The following PIP5K1C variants were observed in gnomAD, a reference collection of about 807,000 sequenced individuals.
PIP5K1C encodes the protein phosphatidylinositol 4-phosphate 5-kinase type-1 gamma.
In PIP5K1C, 45 loss-of-function variants were observed where a neutral mutation model predicts 80.1. The ratio of observed to expected loss-of-function variants is 0.56; its 90% CI spans 0.44 to 0.72. The LOEUF is 0.72. PIP5K1C is among the 30% of genes least tolerant of loss of function. The pLI, the probability that PIP5K1C is intolerant of heterozygous loss-of-function variation, is 0.00. For synonymous variants in PIP5K1C, 498 were observed against 420.1 expected (o/e 1.19, Z -2.27); for missense variants, 753 against 954.6 (o/e 0.79, Z 2.78).
At chr19:3,669,483 G>A (rs1054055174) in intron 1 of PIP5K1C, among the ~76,000 whole-genome samples, 27 of 152,258 alleles carry the variant, frequency 1.8e-4, no homozygotes, top group Admixed American at 1.7e-3. Context: ...CCGGCTGGGT[G>A]TGGACTCGGG....
chr19:3,638,827 T>C (rs2145381349), intron 16 of PIP5K1C, 57 bp downstream of exon 16: 1 of 1,607,366 alleles, frequency 6.2e-7, no homozygotes, highest in East Asian at 2.2e-5. Context: ...CGGTGGAGCG[T>C]GTGTGAGAGA....
intron 15 of PIP5K1C, 78 bp downstream of exon 15, chr19:3,641,627 T>A: frequency 1.9e-6 from 2 of 1,033,020 alleles, no homozygotes; most frequent in Non-Finnish European, 3.0e-6. Context: ...TGCTTCATGA[T>A]GAAACCTCGG....
intron 1 of PIP5K1C, 41 bp from the exon 2 acceptor site, chr19:3,667,394 G>A (rs781650710): frequency 5.0e-6 from 8 of 1,612,074 alleles, no homozygotes; most frequent in African/African-American, 1.3e-5. Context: ...GGAAACCGGT[G>A]ACCTCTGGGA....
intron 1 of PIP5K1C, among the ~76,000 whole-genome samples, chr19:3,683,076 C>T (rs1234978361): frequency 3.3e-5 from 5 of 152,070 alleles, no homozygotes; most frequent in Non-Finnish European, 2.9e-5. Flanking sequence ...CAACCTTGTT[C>T]AGGTCTAGAT....
At chr19:3,686,809 A>G (rs1326810079) in intron 1 of PIP5K1C, among the ~76,000 whole-genome samples, 1 of 152,194 alleles carries the variant, frequency 6.6e-6, no homozygotes, top group Non-Finnish European at 1.5e-5. Context: ...CTATAAAACT[A>G]CTTAAGAAAA....
Position 3,647,331 on chromosome 19 carries a change from C to A in PIP5K1C, c.1260+7G>T. On this transcript the variant is annotated splice_region_variant and intron_variant, in intron 10 of 17. Transcript: ENST00000335312. ...AGGAGGAATGGGAGGAGGGTGCAGG[C>A]GCTCACCCCATCGTGGACGAGGGCC... The A allele has an allele frequency of 6.4e-7, 1 of 1,570,190 alleles. No homozygotes were observed. Among genetic ancestry groups the A allele is most frequent in the Non-Finnish European group, 8.6e-7 (1 of 1,156,686 alleles).
rs532151121 is a variant in PIP5K1C, at chr19:3,671,462, G to A, written c.95-4109C>T. 2.0e-5 allele frequency among the ~76,000 whole-genome samples: 3 copies of A among 152,372 alleles called. No individual in the cohort carries two copies. The East Asian group carries it at 5.8e-4, about 29-fold the overall frequency. On this transcript the variant is annotated intron_variant, in intron 1 of 17. Coordinates refer to ENST00000335312, the MANE Select transcript of PIP5K1C (RefSeq NM_012398.3). ...ACGTCTTCACCTGCCCGACTCACCTGAGCTGGCTAACGGGGAGAGGAGAGG... is the reference window on the plus strand; with the variant it reads ...ACGTCTTCACCTGCCCGACTCACCTAAGCTGGCTAACGGGGAGAGGAGAGG...
intron 1 of PIP5K1C, among the ~76,000 whole-genome samples, chr19:3,674,945 A>G (rs2035313107): frequency 6.6e-6 from 1 of 152,230 alleles, no homozygotes; most frequent in Non-Finnish European, 1.5e-5. Flanking sequence ...CGCAGGCCAC[A>G]GCACGGATGC....
intron 1 of PIP5K1C, among the ~76,000 whole-genome samples, chr19:3,672,104 G>A (rs1412420383): frequency 6.6e-6 from 1 of 152,208 alleles, no homozygotes; most frequent in Non-Finnish European, 1.5e-5. Context: ...CTGATCGCTG[G>A]CTGCACGGTG....
At chr19:3,686,587 G>A (rs551128822) in intron 1 of PIP5K1C, among the ~76,000 whole-genome samples, 6 of 151,480 alleles carry the variant, frequency 4.0e-5, no homozygotes, top group Non-Finnish European at 5.9e-5. Context: ...ACGTGATGGC[G>A]GGCGCCTGTA....
intron 1 of PIP5K1C, among the ~76,000 whole-genome samples, chr19:3,697,687 G>C (rs979104924): frequency 6.6e-6 from 1 of 152,222 alleles, no homozygotes; most frequent in Non-Finnish European, 1.5e-5. Context: ...CACAGAGACA[G>C]ATCAGCCGTG....
intron 1 of PIP5K1C, among the ~76,000 whole-genome samples, chr19:3,699,496 T>TCTA (rs1266479754): frequency 6.6e-6 from 1 of 152,150 alleles, no homozygotes; most frequent in Non-Finnish European, 1.5e-5. Flanking sequence ...CGTGTGGGTG[T>TCTA]CTACAGAGAC....
At chr19:3,698,888 G>A (rs1355064247) in intron 1 of PIP5K1C, among the ~76,000 whole-genome samples, 1 of 151,612 alleles carries the variant, frequency 6.6e-6, no homozygotes, top group Non-Finnish European at 1.5e-5. Flanking sequence ...GGATTTCAGG[G>A]ATGGGCAGAG....
chr19:3,640,083 C>A (rs535886159), intron 15 of PIP5K1C, among the ~76,000 whole-genome samples: 1 of 152,310 alleles, frequency 6.6e-6, no homozygotes, highest in African/African-American at 2.4e-5. Context: ...TTTGGGTCTA[C>A]GCTGCTGTGA....
chr19:3,637,086 A>G lies in PIP5K1C; in HGVS notation c.1920+1798T>C, dbSNP rs1485235848. 1.6e-6 allele frequency: 2 copies of G among 1,259,848 alleles called. No individual in the cohort carries two copies. Among genetic ancestry groups the G allele is most frequent in the African/African-American group, 3.1e-5 (2 of 64,192 alleles). 78.0% of individuals were successfully genotyped at this position (1,259,848 alleles called of 1,614,324 possible). A position where few individuals can be genotyped will look rare whatever the true frequency, so the allele number is the denominator to read the frequency against. ...CCCCGTCTCCATGGCCCTGCGGTTC[A>G]GAGCCCGGCCCTGCAGCCACTCTGC... On this transcript the variant is annotated intron_variant, in intron 16 of 17. Coordinates refer to ENST00000335312, the MANE Select transcript of PIP5K1C (RefSeq NM_012398.3). This position sits in a 1 kb window ranked among gnomAD's most constrained non-coding sequence, Gnocchi z 7.0.
chr19:3,670,052 G>A (rs1324747650), intron 1 of PIP5K1C: 2 of 150,896 alleles, frequency 1.3e-5, no homozygotes, highest in Admixed American at 6.6e-5. Context: ...AGCCTCTGCA[G>A]GCGGCAGGTG....
At position 3,661,137 on chromosome 19, in the gene PIP5K1C, C is replaced by G. The variant is rs1389062196; in HGVS notation, c.351-54G>C. The G allele has an allele frequency of 4.1e-6, 5 of 1,211,640 alleles. No individual in the cohort carries two copies. In the Admixed American group the frequency reaches 5.1e-5, roughly 12 times the overall value. The allele number at this position is 1,211,640 out of a possible 1,614,324, so 75.1% of individuals were successfully genotyped here. ...TGAGGGGTGGTGGGCACCTCTCCCC[C>G]ACCCCCGCCATGGTCCCTCCTAGTG... On this transcript the variant is annotated intron_variant, in intron 4 of 17. Transcript: ENST00000335312.
chr19:3,638,528 A>G (rs1043429314), intron 16 of PIP5K1C, among the ~76,000 whole-genome samples: 19 of 152,250 alleles, frequency 1.2e-4, no homozygotes, highest in Non-Finnish European at 2.4e-4. Flanking sequence ...CCGAGGGGCC[A>G]AGAGTCTGAG....
At chr19:3,647,490 C>T in intron 9 of PIP5K1C, 104 bp from the exon 10 acceptor site, 1 of 986,010 alleles carries the variant, frequency 1.0e-6, no homozygotes, top group Non-Finnish European at 1.6e-6. Flanking sequence ...GGGCCATGGC[C>T]TCAAGCAGTC....
Sources: gnomAD v4.1 joint callset for allele counts (sites outside exome capture counted in the v4.1 genomes callset) on GRCh38, gnomAD v4.1.1 for gene constraint, Gnocchi (gnomAD v3.1) non-coding constraint, MANE v1.5 for transcripts, NCBI Gene and HGNC (gene_info 2026-07-23, HGNC 2026-07-21) for gene names.